Variants in ABCB5 observed in about 807,000 individuals in gnomAD.
The protein encoded by ABCB5 is ATP binding cassette subfamily B member 5.
In ABCB5, 155 loss-of-function variants were observed where a neutral mutation model predicts 144.2. The observed-to-expected ratio is 1.08, with a 90% confidence interval of 0.94 to 1.23. The LOEUF is 1.23. ABCB5 is among the 50% of genes most tolerant of loss of function. The pLI, the probability that ABCB5 is intolerant of heterozygous loss-of-function variation, is 0.00. For synonymous variants in ABCB5, 610 were observed against 528.6 expected, an observed-to-expected ratio of 1.15 and a Z score of -2.11; for missense variants, 1,830 against 1,520.8, an observed-to-expected ratio of 1.20 and a Z score of -3.38.
intron 20 of ABCB5, among the ~76,000 whole-genome samples, chr7:20,718,619 A>T (rs1781764892): frequency 6.6e-6 from 1 of 152,024 alleles, no homozygotes; most frequent in Admixed American, 6.5e-5. Context: ...CCTGGGGGGG[A>T]GGGAGGATTT....
rs372581579 is a variant in ABCB5, at chr7:20,704,707, A to G, written c.2338-17A>G. ...AATGATTTTTGACAACCATATGTTA[A>G]TTCTCCTTTTCTCTAGGATATTGCC... On this transcript the variant is annotated splice_polypyrimidine_tract_variant and intron_variant, in intron 19 of 27. Coordinates refer to ENST00000404938, the MANE Select transcript of ABCB5 (RefSeq NM_001163941.2). 3 of 1,604,840 alleles carry G rather than the reference A, an allele frequency of 1.9e-6. No individual in the cohort carries two copies. In the African/African-American group the frequency reaches 4.0e-5, roughly 22 times the overall value.
intron 1 of ABCB5, among the ~76,000 whole-genome samples, chr7:20,622,751 T>G (rs1312167599): frequency 6.6e-6 from 1 of 152,094 alleles, no homozygotes; most frequent in African/African-American, 2.4e-5. Context: ...ATGAATGGAT[T>G]TTCAAAATAT....
chr7:20,637,885 A>C (rs539359893), intron 5 of ABCB5, among the ~76,000 whole-genome samples: 6 of 152,210 alleles, frequency 3.9e-5, no homozygotes, highest in Non-Finnish European at 8.8e-5. Flanking sequence ...CCATTAAATC[A>C]ATCTTAATAT....
intron 5 of ABCB5, among the ~76,000 whole-genome samples, chr7:20,633,019 A>C (rs985140048): frequency 3.0e-4 from 45 of 151,406 alleles, no homozygotes; most frequent in Non-Finnish European, 5.7e-4. Flanking sequence ...AATAATAATA[A>C]ATAAATAAAT....
In ABCB5 at chr7:20,659,072, C is replaced by T. The variant is rs759410599; in HGVS notation, c.1707+396C>T. 1.9e-6 allele frequency: 3 copies of T among 1,613,954 alleles called. No individual in the cohort carries two copies. The East Asian group carries it at 6.7e-5, about 36-fold the overall frequency. Reference sequence around the variant, plus strand: ...GACCACTTTTCTTCTTTAGGATACCCCCAGGTATTCATTTTGACCTAATTT... The same window carrying T: ...GACCACTTTTCTTCTTTAGGATACCTCCAGGTATTCATTTTGACCTAATTT... On this transcript the variant is annotated intron_variant, in intron 14 of 27. Coordinates refer to ENST00000404938, the MANE Select transcript of ABCB5 (RefSeq NM_001163941.2).
intron 23 of ABCB5, among the ~76,000 whole-genome samples, chr7:20,738,199 G>A (rs966126578): frequency 2.0e-5 from 3 of 152,142 alleles, no homozygotes; most frequent in African/African-American, 7.2e-5. Context: ...TGTGCCGTTA[G>A]GTTTGTTACT....
chr7:20,682,030 C>A (rs528044636), intron 15 of ABCB5, among the ~76,000 whole-genome samples: 1 of 151,994 alleles, frequency 6.6e-6, no homozygotes, highest in African/African-American at 2.4e-5. Context: ...CATGGTGAAA[C>A]CTTGTCTCTC....
intron 14 of ABCB5, chr7:20,660,171 A>G (rs987340308): frequency 3.1e-6 from 3 of 981,160 alleles, no homozygotes; most frequent in Non-Finnish European, 3.6e-6. Flanking sequence ...ATTGGTTAAT[A>G]TGAAACATCT....
chr7:20,625,376 G>A (rs749484952), intron 2 of ABCB5, among the ~76,000 whole-genome samples: 24 of 152,054 alleles, frequency 1.6e-4, no homozygotes, highest in Admixed American at 2.6e-4. Flanking sequence ...TCAGAATTTT[G>A]CGCGTGCATG....
At position 20,753,434 on chromosome 7, in the gene ABCB5, G is replaced by A. The variant is rs1176529733; in HGVS notation, c.3504G>A (p.Arg1168=). Residue 1168 remains arginine, a synonymous_variant, in exon 27 of 28, where the codon AGG becomes AGA. Coordinates refer to ENST00000404938, the MANE Select transcript of ABCB5 (RefSeq NM_001163941.2). ...AGAAACAAAGACTAGCTATTGCAAG[G>A]GCTCTTCTCCAAAAACCCAAAATTT... The part of the protein sequence containing the change: ...GGQKQRLAIA[R]ALLQKPKILL... 8.1e-6 allele frequency: 13 copies of A among 1,613,890 alleles called. No individual in the cohort carries two copies. In the Admixed American group the frequency reaches 2.2e-4, roughly 27 times the overall value.
At chr7:20,703,361 G>A (rs552715740) in intron 19 of ABCB5, among the ~76,000 whole-genome samples, 1 of 152,294 alleles carries the variant, frequency 6.6e-6, no homozygotes, top group South Asian at 2.1e-4. Flanking sequence ...CTTTCAAAGT[G>A]GCTACTGTCC....
chr7:20,670,031 A>T (rs1464843758), intron 14 of ABCB5, among the ~76,000 whole-genome samples: 1 of 152,224 alleles, frequency 6.6e-6, no homozygotes, highest in African/African-American at 2.4e-5. Context: ...GACGAACTCA[A>T]ATTGAGATAT....
rs753626666 is a variant in ABCB5 at position 20,634,560 on chromosome 7, G to A, written c.314+2447G>A. ...TTTCTCTGCATTCTCACCAACATCT[G>A]TTATTATTTGGCTCTTTAATAGTAG... On this transcript the variant is annotated intron_variant, in intron 5 of 27. Transcript: ENST00000404938. Among the ~76,000 whole-genome samples the A allele has an allele frequency of 4.6e-5, 7 of 152,122 alleles. No homozygotes were observed. In the East Asian group the frequency reaches 9.6e-4, roughly 21 times the overall value.
chr7:20,749,395 A>ATT lies in ABCB5; in HGVS notation c.3430-3943_3430-3942dup, dbSNP rs34687757. On this transcript the variant is annotated intron_variant, in intron 26 of 27. Coordinates refer to ENST00000404938, the MANE Select transcript of ABCB5 (RefSeq NM_001163941.2). ...GGTGCCTGCCACCTATGCCTGCCTA[A>ATT]TTTTTTTTTTTTTTTTTTTTTTTGC... Among the ~76,000 whole-genome samples the ATT allele has an allele frequency of 5.6e-3, 456 of 81,910 alleles. 38 individuals are homozygous for ATT. Among genetic ancestry groups the ATT allele is most frequent in the African/African-American group, 0.023 (413 of 17,580 alleles). 53.7% of individuals were successfully genotyped at this position (81,910 alleles called of 152,430 possible). A position where few individuals can be genotyped will look rare whatever the true frequency, so the allele number is the denominator to read the frequency against.
intron 20 of ABCB5, among the ~76,000 whole-genome samples, chr7:20,708,180 A>G (rs1562571776): frequency 6.6e-6 from 1 of 152,178 alleles, no homozygotes; most frequent in Non-Finnish European, 1.5e-5. Context: ...GATTCAAACA[A>G]TGTTGCCATG....
intron 4 of ABCB5, among the ~76,000 whole-genome samples, chr7:20,629,137 A>G (rs1478265497): frequency 1.0e-5 from 1 of 99,426 alleles, no homozygotes; most frequent in Non-Finnish European, 2.1e-5. Flanking sequence ...AAAGAGAGAG[A>G]GAGACTGCGT....
chr7:20,734,958 C>G (rs527770018), intron 23 of ABCB5, among the ~76,000 whole-genome samples: 1 of 152,246 alleles, frequency 6.6e-6, no homozygotes, highest in East Asian at 1.9e-4. Flanking sequence ...GTGTTAGTCC[C>G]TTTCGGCTGG....
chr7:20,724,935 G>A (rs1256676291), intron 21 of ABCB5, among the ~76,000 whole-genome samples: 5 of 151,934 alleles, frequency 3.3e-5, no homozygotes, highest in South Asian at 2.1e-4. Context: ...GCAAATATTC[G>A]CCTCAGAGAC....
At chr7:20,655,583 T>C (rs1279831046) in intron 13 of ABCB5, among the ~76,000 whole-genome samples, 1 of 146,350 alleles carries the variant, frequency 6.8e-6, no homozygotes. Context: ...ACAGACAAAA[T>C]GCTTAAGAAT....
Sources: gnomAD v4.1 joint callset for allele counts (sites outside exome capture counted in the v4.1 genomes callset) on GRCh38, gnomAD v4.1.1 for gene constraint, MANE v1.5 for transcripts, NCBI Gene and HGNC (gene_info 2026-07-23, HGNC 2026-07-21) for gene names.